MORN1: variants seen among roughly 807,000 people sequenced by gnomAD.
MORN1 encodes the protein MORN repeat containing 1, also known as MORN repeat-containing protein 1.
MORN1 carries 67 observed loss-of-function variants against 61.9 expected under a neutral mutation model. The ratio of observed to expected loss-of-function variants is 1.08; its 90% CI spans 0.89 to 1.33. MORN1 has a LOEUF of 1.33. MORN1 is among the 40% of genes most tolerant of loss of function. The pLI is 0.00. For synonymous variants in MORN1, 301 were observed against 292.0 expected (o/e 1.03, Z -0.31); for missense variants, 752 against 691.2 (o/e 1.09, Z -0.99).
At chr1:2,346,219 A>C (rs1016190545) in intron 10 of MORN1, among the ~76,000 whole-genome samples, 12 of 152,082 alleles carry the variant, frequency 7.9e-5, no homozygotes, top group Non-Finnish European at 4.4e-5. Flanking sequence ...CCTTCCCTGA[A>C]AGGCCTGGCC....
chr1:2,370,172 G>A (rs571149049), intron 8 of MORN1, among the ~76,000 whole-genome samples: 5 of 152,304 alleles, frequency 3.3e-5, no homozygotes, highest in South Asian at 2.1e-4. Context: ...GAGCAGACGG[G>A]GGGTCCAGGC....
intron 10 of MORN1, among the ~76,000 whole-genome samples, chr1:2,342,906 ATT>A (rs1043996759): frequency 7.3e-6 from 1 of 137,808 alleles, no homozygotes. Flanking sequence ...ATTTTATTTT[ATT>A]TTATTTTAAT....
At position 2,336,504 on chromosome 1, in the gene MORN1, T is replaced by C; in HGVS notation, c.1215A>G (p.Thr405=). 6.2e-7 allele frequency: 1 copy of C among 1,612,590 alleles called. No individual in the cohort carries two copies. The highest frequency in any genetic ancestry group is 8.5e-7 in the Non-Finnish European group (1 of 1,179,794). Residue 405 remains threonine, a synonymous_variant, in exon 12 of 14, where the codon ACA becomes ACG. Coordinates refer to ENST00000378531, the MANE Select transcript of MORN1 (RefSeq NM_024848.3). ...RSRGGLHPRG[T]PPTAQEPPGG... is the part of the protein sequence containing the mutation. ...CAGGAGGCTCCTGTGCCGTGGGTGG[T>C]GTCCCCCTGGGGTGCAGGCCGCCTC...
chr1:2,363,946 T>G (rs562787407), intron 8 of MORN1, among the ~76,000 whole-genome samples: 15 of 152,070 alleles, frequency 9.9e-5, no homozygotes, highest in Non-Finnish European at 2.2e-4. Flanking sequence ...AATGGTAAAT[T>G]TAATCCTACT....
intron 12 of MORN1, among the ~76,000 whole-genome samples, chr1:2,335,412 G>A (rs770850691): frequency 6.6e-6 from 1 of 152,150 alleles, no homozygotes; most frequent in Non-Finnish European, 1.5e-5. Context: ...AGGAGGTCTC[G>A]AGGGCCCAAG....
chr1:2,385,425 C>A, intron 5 of MORN1: 1 of 408,094 alleles, frequency 2.5e-6, no homozygotes, highest in Non-Finnish European at 4.5e-6. Context: ...AGATGCCTAG[C>A]ACTTGGGAGG....
chr1:2,390,842 G>T, intron 1 of MORN1: 3 of 699,258 alleles, frequency 4.3e-6, no homozygotes, highest in Non-Finnish European at 5.3e-6. Flanking sequence ...TCCGCTTCCT[G>T]GGTTCAAGCG....
rs367650538 is a variant in MORN1 at position 2,391,403 on chromosome 1, C to T, written c.76+55G>A. 84 of 1,252,178 alleles carry T rather than the reference C, an allele frequency of 6.7e-5. No individual in the cohort carries two copies. In the East Asian group the frequency reaches 2.6e-3, roughly 38 times the overall value. 77.6% of individuals were successfully genotyped at this position (1,252,178 alleles called of 1,614,324 possible). On this transcript the variant is annotated intron_variant, in intron 1 of 13. Transcript: ENST00000378531. ...GGGTCGAGGGCGTAGAGCGATCGCA[C>T]CCTGAATGGAGCCCAGGGCAGCCAG...
At chr1:2,368,031 AAG>A (rs1235315344) in intron 8 of MORN1, among the ~76,000 whole-genome samples, 3 of 151,802 alleles carry the variant, frequency 2.0e-5, no homozygotes, top group African/African-American at 7.2e-5. Flanking sequence ...CAAAAAGAAA[AAG>A]AGAGAATTGG....
chr1:2,336,251 C>T (rs1259418487), intron 12 of MORN1, among the ~76,000 whole-genome samples: 1 of 152,216 alleles, frequency 6.6e-6, no homozygotes, highest in Non-Finnish European at 1.5e-5. Flanking sequence ...TCCAGCTCCA[C>T]CCACTTCATG....
At chr1:2,373,910 C>T (rs113380310) in intron 7 of MORN1, among the ~76,000 whole-genome samples, 64 of 152,342 alleles carry the variant, frequency 4.2e-4, no homozygotes, top group African/African-American at 1.2e-3. Flanking sequence ...GCAGGTGCCC[C>T]GGCGCAGGGC....
chr1:2,366,753 C>T (rs1276889436), intron 8 of MORN1, among the ~76,000 whole-genome samples: 1 of 152,098 alleles, frequency 6.6e-6, no homozygotes, highest in East Asian at 1.9e-4. Flanking sequence ...CCAGGCTGGT[C>T]TCAAACTCCT....
intron 10 of MORN1, 44 bp from the exon 11 acceptor site, chr1:2,336,894 C>G: frequency 6.7e-7 from 1 of 1,493,062 alleles, no homozygotes; most frequent in South Asian, 1.4e-5. Flanking sequence ...GGGCTCAGGG[C>G]GGAGACGGAG....
At chr1:2,341,677 G>A (rs1641397607) in intron 10 of MORN1, among the ~76,000 whole-genome samples, 1 of 147,102 alleles carries the variant, frequency 6.8e-6, no homozygotes, top group African/African-American at 2.5e-5. Context: ...GCCACAGAGC[G>A]AGACTCCGTC....
chr1:2,346,308 A>C (rs1177711604), intron 10 of MORN1, among the ~76,000 whole-genome samples: 2 of 152,234 alleles, frequency 1.3e-5, no homozygotes, highest in South Asian at 4.1e-4. Flanking sequence ...AGGCTGAGGC[A>C]GGAGGATCAC....
chr1:2,341,993 A>G (rs1035878738), intron 10 of MORN1, among the ~76,000 whole-genome samples: 2 of 152,224 alleles, frequency 1.3e-5, no homozygotes, highest in Non-Finnish European at 2.9e-5. Context: ...TGTCTGGGGC[A>G]CTTCCCGAGC....
At position 2,389,918 on chromosome 1, in the gene MORN1, T is replaced by C. The variant is rs763562025; in HGVS notation, c.148+7A>G. 2 of 1,613,764 alleles carry C rather than the reference T, an allele frequency of 1.2e-6. No individual in the cohort carries two copies. Among genetic ancestry groups the C allele is most frequent in the East Asian group, 2.2e-5 (1 of 44,878 alleles). On this transcript the variant is annotated splice_region_variant and intron_variant, in intron 2 of 13. Transcript: ENST00000378531. ...AGCTGCAAGAAGAGACCACAGATGCTTCTCACCGTGCTTCCTCCCTGCTTT... is the reference window on the plus strand; with the variant it reads ...AGCTGCAAGAAGAGACCACAGATGCCTCTCACCGTGCTTCCTCCCTGCTTT...
chr1:2,332,420 A>G, intron 12 of MORN1: 1 of 357,518 alleles, frequency 2.8e-6, no homozygotes, highest in Non-Finnish European at 5.5e-6. Context: ...CTTGGTCCAC[A>G]CTCAGGTTCT....
intron 10 of MORN1, among the ~76,000 whole-genome samples, chr1:2,339,705 C>T (rs898640356): frequency 6.6e-6 from 1 of 152,198 alleles, no homozygotes; most frequent in Non-Finnish European, 1.5e-5. Context: ...TCCTGGGTCC[C>T]CCTCGCCCTT....
Sources: allele counts gnomAD v4.1 joint callset (sites outside exome capture counted in the v4.1 genomes callset), GRCh38; gene constraint gnomAD v4.1.1; transcripts MANE v1.5; gene names NCBI Gene and HGNC (gene_info 2026-07-23, HGNC 2026-07-21).